The following NEO1 variants were observed in gnomAD, a reference collection of about 807,000 sequenced individuals.
NEO1 encodes neogenin 1, also known as neogenin.
In NEO1, 63 loss-of-function variants were observed where a neutral mutation model predicts 159.7. The ratio of observed to expected loss-of-function variants is 0.39; its 90% CI spans 0.32 to 0.49. The LOEUF is 0.49. Ranked by LOEUF, NEO1 falls within the 20% of genes least tolerant of loss-of-function variation. NEO1 has a pLI of 0.85. For synonymous variants in NEO1, 633 were observed against 662.0 expected (o/e 0.96, Z 0.67); for missense variants, 1,615 against 1,831.0 (o/e 0.88, Z 2.15).
intron 1 of NEO1, among the ~76,000 whole-genome samples, chr15:73,072,912 T>A (rs899506422): frequency 2.0e-5 from 3 of 152,182 alleles, no homozygotes; most frequent in African/African-American, 7.2e-5. Flanking sequence ...CAAAGATGAT[T>A]CCTAAGGTTC....
intron 7 of NEO1, among the ~76,000 whole-genome samples, chr15:73,199,361 TA>T (rs905786076): frequency 2.0e-5 from 3 of 151,992 alleles, no homozygotes; most frequent in Admixed American, 6.6e-5. Flanking sequence ...TTCTCCACCA[TA>T]AAGTTACTTT....
intron 2 of NEO1, among the ~76,000 whole-genome samples, chr15:73,118,613 C>A (rs2071455030): frequency 6.6e-6 from 1 of 152,054 alleles, no homozygotes; most frequent in Non-Finnish European, 1.5e-5. Flanking sequence ...TAAGTTTGTC[C>A]ATTCTTCCTC....
At chr15:73,093,879 G>A (rs1022292174) in intron 1 of NEO1, among the ~76,000 whole-genome samples, 2 of 151,912 alleles carry the variant, frequency 1.3e-5, no homozygotes, top group South Asian at 2.1e-4. Flanking sequence ...GTGCCTGGCC[G>A]GAAGCTCCTT....
intron 1 of NEO1, among the ~76,000 whole-genome samples, chr15:73,086,307 C>T (rs1242082642): frequency 6.6e-6 from 1 of 152,074 alleles, no homozygotes; most frequent in African/African-American, 2.4e-5. Flanking sequence ...TTTGCCTATC[C>T]CACATTGTCT....
At chr15:73,179,991 A>G (rs1007524778) in intron 7 of NEO1, among the ~76,000 whole-genome samples, 4 of 152,114 alleles carry the variant, frequency 2.6e-5, no homozygotes, top group Non-Finnish European at 4.4e-5. Flanking sequence ...TTCTTATACT[A>G]AATTACTAGA....
chr15:73,108,915 C>T (rs1196268959), intron 1 of NEO1, among the ~76,000 whole-genome samples: 2 of 152,202 alleles, frequency 1.3e-5, no homozygotes, highest in East Asian at 3.9e-4. Context: ...GGCTTATTCA[C>T]AGCCCATTGA....
intron 1 of NEO1, among the ~76,000 whole-genome samples, chr15:73,084,417 C>T (rs926962601): frequency 6.6e-6 from 1 of 152,100 alleles, no homozygotes; most frequent in Non-Finnish European, 1.5e-5. Flanking sequence ...TTTTCTATAC[C>T]TGGCTTATTG....
intron 8 of NEO1, among the ~76,000 whole-genome samples, chr15:73,240,338 G>GT (rs1567573500): frequency 3.9e-5 from 6 of 152,210 alleles, no homozygotes; most frequent in Admixed American, 1.3e-4. Context: ...AAGAGATACA[G>GT]AAGTTGAGTT....
intron 3 of NEO1, among the ~76,000 whole-genome samples, chr15:73,123,493 C>T (rs767563528): frequency 1.3e-5 from 2 of 152,168 alleles, no homozygotes; most frequent in Non-Finnish European, 2.9e-5. Context: ...AACATGGTGG[C>T]TCTAGAGACA....
At chr15:73,222,804 T>C (rs1194002202) in intron 7 of NEO1, among the ~76,000 whole-genome samples, 6 of 152,190 alleles carry the variant, frequency 3.9e-5, no homozygotes, top group African/African-American at 1.4e-4. Flanking sequence ...CTTGGTACTT[T>C]CCTTGCTTCC....
intron 4 of NEO1, 27 bp from the exon 5 acceptor site, chr15:73,135,864 T>C (rs1596105942): frequency 7.3e-6 from 1 of 137,502 alleles, no homozygotes; most frequent in Non-Finnish European, 1.5e-5. Context: ...GAAATGTATC[T>C]TTTTTTTTTT....
chr15:73,272,552 C>T lies in NEO1; in HGVS notation c.2955C>T (p.Gly985=), dbSNP rs1434936595. Residue 985 remains glycine, a synonymous_variant, in exon 19 of 29, where the codon GGC becomes GGT. Coordinates refer to ENST00000261908, the MANE Select transcript of NEO1 (RefSeq NM_002499.4). ...GGCAGCCTCCCTCCGAAGCCAATGG[C>T]AAAATTACAGGTAAAATGCAATCAA... The part of the protein sequence containing the change: ...VNWQPPSEAN[G]KITGYIIYYS... 1 of 1,606,174 alleles carries T rather than the reference C, an allele frequency of 6.2e-7. No individual in the cohort carries two copies. Among genetic ancestry groups the T allele is most frequent in the Non-Finnish European group, 8.5e-7 (1 of 1,172,888 alleles).
In NEO1 at chr15:73,205,771, C is replaced by G. The variant is rs1183319552; in HGVS notation, c.1291+27344C>G. ...CTGCAATCTCATTTCTCTAGTGAGT[C>G]CAGGAAAGTCATTCATTTTCAATTT... On this transcript the variant is annotated intron_variant, in intron 7 of 28. Coordinates refer to ENST00000261908, the MANE Select transcript of NEO1 (RefSeq NM_002499.4). Among the ~76,000 whole-genome samples, 4 of 152,110 alleles carry G rather than the reference C, an allele frequency of 2.6e-5. No individual in the cohort carries two copies. In the East Asian group the frequency reaches 7.7e-4, roughly 29 times the overall value.
rs150162700 is a variant in NEO1 at position 73,282,739 on chromosome 15, C to A, written c.3263-225C>A. Among the ~76,000 whole-genome samples the A allele has an allele frequency of 5.8e-4, 89 of 152,322 alleles. 3 individuals are homozygous for A. In the East Asian group the frequency reaches 0.013, roughly 22 times the overall value. On this transcript the variant is annotated intron_variant, in intron 22 of 28. Coordinates refer to ENST00000261908, the MANE Select transcript of NEO1 (RefSeq NM_002499.4). ...TTGAGAAGCTTTAATTAAGTACTATCTTTGAGCAGGCTCTGTCCTGAGCAC... is the reference window on the plus strand; with the variant it reads ...TTGAGAAGCTTTAATTAAGTACTATATTTGAGCAGGCTCTGTCCTGAGCAC...
At chr15:73,276,704 C>T (rs1244574760) in intron 21 of NEO1, among the ~76,000 whole-genome samples, 1 of 152,202 alleles carries the variant, frequency 6.6e-6, no homozygotes, top group African/African-American at 2.4e-5. Context: ...GAACTGCATA[C>T]ACAAACTTCA....
intron 2 of NEO1, among the ~76,000 whole-genome samples, chr15:73,120,513 G>A (rs1169702412): frequency 6.6e-6 from 1 of 151,608 alleles, no homozygotes. Flanking sequence ...TGATTTGTTT[G>A]CTCTTCCTTA....
chr15:73,250,963 G>A (rs1390158346), intron 11 of NEO1, among the ~76,000 whole-genome samples: 1 of 152,076 alleles, frequency 6.6e-6, no homozygotes, highest in Non-Finnish European at 1.5e-5. Context: ...TACTTTGTTG[G>A]AGAATGTCCT....
intron 1 of NEO1, among the ~76,000 whole-genome samples, chr15:73,053,293 C>T (rs1277991324): frequency 6.6e-6 from 1 of 152,156 alleles, no homozygotes; most frequent in Non-Finnish European, 1.5e-5. Flanking sequence ...GCTGGCTAGT[C>T]TCGAGGGACT....
At chr15:73,253,374 T>C in intron 11 of NEO1, 26 bp from the exon 12 acceptor site, 3 of 320,850 alleles carry the variant, frequency 9.4e-6, no homozygotes, top group Non-Finnish European at 1.4e-5. Context: ...AAAAAAAAAA[T>C]TTTTTTTTTT....
Sources: gnomAD v4.1 joint callset for allele counts (sites outside exome capture counted in the v4.1 genomes callset) on GRCh38, gnomAD v4.1.1 for gene constraint, MANE v1.5 for transcripts, NCBI Gene and HGNC (gene_info 2026-07-23, HGNC 2026-07-21) for gene names.